Variants in CRAMP1 observed in about 807,000 individuals in gnomAD.
CRAMP1 encodes protein cramped-like.
Under a neutral mutation model 115.4 loss-of-function variants are expected in CRAMP1, and 50 were observed. The ratio of observed to expected loss-of-function variants is 0.43; its 90% CI spans 0.35 to 0.55. The LOEUF is 0.55. CRAMP1 is among the 20% of genes least tolerant of loss of function. The pLI is 0.01. For missense variants in CRAMP1, 1,679 were observed against 1,721.7 expected, an observed-to-expected ratio of 0.98 and a Z score of 0.44; for synonymous variants, 866 against 745.4, an observed-to-expected ratio of 1.16 and a Z score of -2.64.
At chr16:1,664,864 G>T (rs548315506) in intron 13 of CRAMP1, among the ~76,000 whole-genome samples, 193 bp from the exon 14 acceptor site, 31 of 152,200 alleles carry the variant, frequency 2.0e-4, no homozygotes, top group African/African-American at 7.2e-4. Flanking sequence ...TTTGAGAGAG[G>T]ACCTAACTGG....
intron 6 of CRAMP1, among the ~76,000 whole-genome samples, chr16:1,650,745 T>C (rs185228603): frequency 1.1e-4 from 16 of 152,378 alleles, no homozygotes; most frequent in Admixed American, 4.6e-4. Context: ...ACAGCAAATA[T>C]AGAAGCAGCA....
intron 18 of CRAMP1, 31 bp downstream of exon 18, chr16:1,668,224 T>G: frequency 6.9e-7 from 1 of 1,443,364 alleles, no homozygotes; most frequent in East Asian, 2.3e-5. Flanking sequence ...CAGCCCTTCC[T>G]GTCATCAGGT....
At chr16:1,633,062 C>T (rs745326213) in intron 4 of CRAMP1, among the ~76,000 whole-genome samples, 8 of 152,240 alleles carry the variant, frequency 5.3e-5, no homozygotes, top group Non-Finnish European at 1.2e-4. Flanking sequence ...GATGTACCCC[C>T]AGAGCACCCC....
rs796553143 is a variant in CRAMP1, at chr16:1,672,082, G to A, written c.3645+1273G>A. Among the ~76,000 whole-genome samples, 7 of 152,184 alleles carry A rather than the reference G, an allele frequency of 4.6e-5. No individual in the cohort carries two copies. Among genetic ancestry groups the A allele is most frequent in the Admixed American group, 4.6e-4 (7 of 15,276 alleles). On this transcript the variant is annotated intron_variant, in intron 20 of 20. Transcript: ENST00000397412. The surrounding 1 kb of genome is among the most constrained non-coding windows in gnomAD (Gnocchi z 4.9). ...CTCTGTGGAGATGGGCGCTGCGTAC[G>A]TGCCCTGAGGCAGCATGCTCACGCC...
intron 11 of CRAMP1, among the ~76,000 whole-genome samples, chr16:1,660,883 C>T (rs2036823166): frequency 6.6e-6 from 1 of 152,176 alleles, no homozygotes; most frequent in Non-Finnish European, 1.5e-5. Flanking sequence ...TGGTGCGCGC[C>T]TGTTAATCCC....
intron 3 of CRAMP1, among the ~76,000 whole-genome samples, chr16:1,631,666 C>T (rs886298799): frequency 2.0e-5 from 3 of 152,216 alleles, no homozygotes; most frequent in Non-Finnish European, 4.4e-5. Flanking sequence ...CTAAGTCACA[C>T]TCAGCTTTTG....
rs781298716 is a variant in CRAMP1 at position 1,670,797 on chromosome 16, T to C, written c.3633T>C (p.Ala1211=). 1 of 1,613,988 alleles carries C rather than the reference T, an allele frequency of 6.2e-7. No homozygotes were observed. Among genetic ancestry groups the C allele is most frequent in the East Asian group, 2.2e-5 (1 of 44,892 alleles). ...SRDSFVSRSL[A]DVAEVVDSQL... is the part of the protein sequence containing the mutation. ...ACTCATTTGTGTCCAGGTCCCTGGC[T>C]GACGTTGCAGAGGTGAGTGCATTGA... Residue 1211 remains alanine, a synonymous_variant, in exon 20 of 21, where the codon GCT becomes GCC. Transcript: ENST00000397412.
At chr16:1,619,961 G>C (rs1227250403) in intron 2 of CRAMP1, among the ~76,000 whole-genome samples, 1 of 152,200 alleles carries the variant, frequency 6.6e-6, no homozygotes, top group Non-Finnish European at 1.5e-5. Flanking sequence ...AGGGGTCCCG[G>C]TTTGCTCACC....
intron 8 of CRAMP1, among the ~76,000 whole-genome samples, chr16:1,654,216 C>CT (rs954080678): frequency 7.0e-5 from 10 of 142,178 alleles, no homozygotes; most frequent in South Asian, 2.3e-4. Flanking sequence ...TTTATTTTTT[C>CT]TTTTTTTTTT....
chr16:1,622,901 A>G (rs1338404671), intron 2 of CRAMP1, among the ~76,000 whole-genome samples: 4 of 151,806 alleles, frequency 2.6e-5, no homozygotes, highest in African/African-American at 9.7e-5. Context: ...AGCTGGGACT[A>G]CTGGTGCACG....
chr16:1,643,571 T>C (rs965561471), intron 6 of CRAMP1, among the ~76,000 whole-genome samples: 3 of 146,922 alleles, frequency 2.0e-5, no homozygotes, highest in African/African-American at 5.0e-5. Flanking sequence ...AACCCTCAGG[T>C]GGTTCTGCCG....
chr16:1,657,059 C>T (rs1318478871), intron 10 of CRAMP1, 67 bp downstream of exon 10: 5 of 1,369,594 alleles, frequency 3.7e-6, no homozygotes, highest in Admixed American at 2.8e-5. Flanking sequence ...TGGAGGGCTC[C>T]CTGCTGGGTA....
At chr16:1,624,377 G>A (rs1360686802) in intron 2 of CRAMP1, among the ~76,000 whole-genome samples, 1 of 151,928 alleles carries the variant, frequency 6.6e-6, no homozygotes, top group Non-Finnish European at 1.5e-5. Context: ...ATCTCATTAG[G>A]AAATCATTTT....
chr16:1,644,278 A>G (rs535521046), intron 6 of CRAMP1, among the ~76,000 whole-genome samples: 56 of 152,326 alleles, frequency 3.7e-4, no homozygotes, highest in African/African-American at 1.3e-3. Flanking sequence ...TTGGAACAGC[A>G]TGGTACCAGC....
At position 1,666,653 on chromosome 16, in the gene CRAMP1, C is replaced by T. The variant is rs1050061452; in HGVS notation, c.3036+53C>T. The T allele has an allele frequency of 3.7e-5, 56 of 1,528,836 alleles. No homozygotes were observed. Among genetic ancestry groups the T allele is most frequent in the Non-Finnish European group, 4.7e-5 (52 of 1,106,804 alleles). 94.7% of individuals were successfully genotyped at this position (1,528,836 alleles called of 1,614,324 possible). ...CATTACCACCAACTTCTGGTGTGGA[C>T]GCCAAAGCCATGGGGCTGAGATCAC... On this transcript the variant is annotated intron_variant, in intron 16 of 20. Transcript: ENST00000397412. This position sits in a 1 kb window ranked among gnomAD's most constrained non-coding sequence, Gnocchi z 5.0.
rs770022649 is a variant in CRAMP1, at chr16:1,672,830, C to T, written c.3646-1051C>T. Among the ~76,000 whole-genome samples the T allele has an allele frequency of 1.2e-4, 19 of 152,358 alleles. 1 individual carries two copies. In the South Asian group the frequency reaches 2.7e-3, roughly 22 times the overall value. ...CAAGATCCCGGTGCCGAGGCCCTCC[C>T]GTCCTCCGTCTCCTCAGCTCTGTGC... On this transcript the variant is annotated intron_variant, in intron 20 of 20. Transcript: ENST00000397412. The surrounding 1 kb of genome is among the most constrained non-coding windows in gnomAD (Gnocchi z 4.9).
chr16:1,668,552 G>A (rs1388630264), intron 18 of CRAMP1, among the ~76,000 whole-genome samples: 2 of 152,208 alleles, frequency 1.3e-5, no homozygotes, highest in South Asian at 2.1e-4. Context: ...GGCCCTGTGG[G>A]CTTTGGTCTC....
In CRAMP1 at chr16:1,676,803, A is replaced by G. The variant is rs901221232; in HGVS notation, c.*2758A>G. 2 of 152,224 alleles carry G rather than the reference A, an allele frequency of 1.3e-5. No individual in the cohort carries two copies. The highest frequency in any genetic ancestry group is 2.4e-5 in the African/African-American group (1 of 41,418). 9.4% of individuals were successfully genotyped at this position (152,224 alleles called of 1,614,324 possible). A position where few individuals can be genotyped will look rare whatever the true frequency, so the allele number is the denominator to read the frequency against. On this transcript the variant is annotated 3_prime_UTR_variant, in exon 21 of 21. Transcript: ENST00000397412. ...GCATTGCGTGCCTCGGGGGATGCCTAGTTCGTGGCTTCCTGGCTGTTTTGT... is the reference window on the plus strand; with the variant it reads ...GCATTGCGTGCCTCGGGGGATGCCTGGTTCGTGGCTTCCTGGCTGTTTTGT...
chr16:1,619,089 CA>C (rs2036444806), intron 2 of CRAMP1, among the ~76,000 whole-genome samples: 1 of 152,274 alleles, frequency 6.6e-6, no homozygotes, highest in East Asian at 1.9e-4. Context: ...TTCATGATTG[CA>C]AAGTCAGAAA....
Sources: gnomAD v4.1 joint callset for allele counts (sites outside exome capture counted in the v4.1 genomes callset) on GRCh38, gnomAD v4.1.1 for gene constraint, Gnocchi (gnomAD v3.1) non-coding constraint, MANE v1.5 for transcripts, NCBI Gene and HGNC (gene_info 2026-07-23, HGNC 2026-07-21) for gene names.